The following MAF variants were observed in gnomAD, a reference collection of about 807,000 sequenced individuals.
MAF encodes MAF bZIP transcription factor.
Under a neutral mutation model 22.0 loss-of-function variants are expected in MAF, and 10 were observed. That is an observed-to-expected ratio of 0.45 (90% CI 0.28 to 0.77). The LOEUF is 0.77. Ranked by LOEUF, MAF falls within the 30% of genes least tolerant of loss-of-function variation. The pLI, the probability that MAF is intolerant of heterozygous loss-of-function variation, is 0.12. For missense variants in MAF, 544 were observed against 548.4 expected, an observed-to-expected ratio of 0.99 and a Z score of 0.08; for synonymous variants, 337 against 255.8, an observed-to-expected ratio of 1.32 and a Z score of -3.03.
chr16:79,216,144 A>G, the MAF span, among the ~76,000 whole-genome samples: 1 of 151,472 alleles, frequency 6.6e-6, no homozygotes, highest in African/African-American at 2.4e-5. Context: ...TGTATATGTC[A>G]TGCACATCTG....
the MAF span, among the ~76,000 whole-genome samples, chr16:79,491,801 T>C: frequency 6.6e-6 from 1 of 152,136 alleles, no homozygotes; most frequent in Non-Finnish European, 1.5e-5. Flanking sequence ...GCTAGACAGA[T>C]AGGAAGTAGG....
At chr16:79,499,204 G>A in the MAF span, among the ~76,000 whole-genome samples, 1 of 151,508 alleles carries the variant, frequency 6.6e-6, no homozygotes, top group Non-Finnish European at 1.5e-5. Flanking sequence ...TATATTGCTA[G>A]CACCCTCTTT....
At chr16:79,497,543 A>G in the MAF span, among the ~76,000 whole-genome samples, 6,111 of 152,218 alleles carry the variant, frequency 0.04, 430 homozygotes, top group African/African-American at 0.14. Context: ...CCTTGCCACA[A>G]ACTCTGCCAG....
At chr16:79,484,753 G>A in the MAF span, among the ~76,000 whole-genome samples, 1 of 152,220 alleles carries the variant, frequency 6.6e-6, no homozygotes, top group African/African-American at 2.4e-5. Context: ...TAGAGCCGGT[G>A]GAGCAGCTGG....
At chr16:79,211,789 C>T in the MAF span, 1 of 1,614,076 alleles carries the variant, frequency 6.2e-7, no homozygotes, top group Non-Finnish European at 8.5e-7. Flanking sequence ...GGCAGCCAGT[C>T]CGGCTAAGTG....
the MAF span, among the ~76,000 whole-genome samples, chr16:79,331,266 C>A: frequency 6.6e-6 from 1 of 152,168 alleles, no homozygotes; most frequent in Non-Finnish European, 1.5e-5. Flanking sequence ...GACTGCCACT[C>A]CCATCAGTCA....
At chr16:79,444,147 T>C in the MAF span, among the ~76,000 whole-genome samples, 1 of 151,920 alleles carries the variant, frequency 6.6e-6, no homozygotes. Flanking sequence ...AAAATGAAAA[T>C]ATGTATTATA....
the MAF span, among the ~76,000 whole-genome samples, chr16:79,458,362 C>T: frequency 6.6e-6 from 1 of 152,086 alleles, no homozygotes; most frequent in Non-Finnish European, 1.5e-5. Context: ...CTCTCTATTA[C>T]CAACAGAAGA....
chr16:79,317,820 G>C, the MAF span, among the ~76,000 whole-genome samples: 2 of 152,176 alleles, frequency 1.3e-5, no homozygotes, highest in Non-Finnish European at 2.9e-5. Context: ...CTTTGCATGA[G>C]AGTTCAAAGC....
chr16:79,467,228 G>C, the MAF span, among the ~76,000 whole-genome samples: 1 of 151,926 alleles, frequency 6.6e-6, no homozygotes, highest in African/African-American at 2.4e-5. Flanking sequence ...TTTCATTAGG[G>C]GGTCCTCTCT....
chr16:79,440,343 G>T, the MAF span, among the ~76,000 whole-genome samples: 52 of 152,252 alleles, frequency 3.4e-4, no homozygotes, highest in African/African-American at 1.2e-3. Context: ...TACCAGTGTG[G>T]TGCCTAGCGC....
At chr16:79,288,685 A>G in the MAF span, among the ~76,000 whole-genome samples, 2 of 152,222 alleles carry the variant, frequency 1.3e-5, no homozygotes, top group African/African-American at 2.4e-5. Context: ...TTAGGTAAAC[A>G]TGAGGAAAGG....
At chr16:79,567,191 G>C in the MAF span, among the ~76,000 whole-genome samples, 1 of 152,150 alleles carries the variant, frequency 6.6e-6, no homozygotes, top group Non-Finnish European at 1.5e-5. Flanking sequence ...TGTGGCAGGA[G>C]CTTGTAATCC....
At chr16:79,434,347 G>A in the MAF span, among the ~76,000 whole-genome samples, 2 of 152,206 alleles carry the variant, frequency 1.3e-5, no homozygotes, top group African/African-American at 2.4e-5. Context: ...GGAGAGAGGG[G>A]GAACCTTAAT....
At chr16:79,301,213 C>T in the MAF span, among the ~76,000 whole-genome samples, 918 of 152,210 alleles carry the variant, frequency 6.0e-3, 8 homozygotes, top group African/African-American at 0.021. Context: ...ATGAAGGACA[C>T]CCCACAGTCC....
the MAF span, among the ~76,000 whole-genome samples, chr16:79,429,191 G>A: frequency 6.6e-6 from 1 of 152,250 alleles, no homozygotes; most frequent in African/African-American, 2.4e-5. Flanking sequence ...CAGAATTAAG[G>A]CTTAACTCTG....
At chr16:79,212,697 TGTTTGTTTCA>T in the MAF span, 2 of 144,930 alleles carry the variant, frequency 1.4e-5, no homozygotes, top group African/African-American at 2.6e-5. Context: ...TTTCTTTAAA[TGTTTGTTTCA>T]GTTTGTTTTT....
At chr16:79,385,883 G>C in the MAF span, among the ~76,000 whole-genome samples, 18 of 152,060 alleles carry the variant, frequency 1.2e-4, no homozygotes, top group Admixed American at 4.6e-4. Context: ...CTCCCACCTG[G>C]GCTAAAGAGA....
the MAF span, among the ~76,000 whole-genome samples, chr16:79,443,304 C>G: frequency 2.0e-5 from 3 of 152,042 alleles, no homozygotes; most frequent in Non-Finnish European, 4.4e-5. Context: ...AGTGTCAACC[C>G]CCATGGCACC....
Sources: allele counts gnomAD v4.1 joint callset (sites outside exome capture counted in the v4.1 genomes callset), GRCh38; gene constraint gnomAD v4.1.1; transcripts MANE v1.5; gene names NCBI Gene and HGNC (gene_info 2026-07-23, HGNC 2026-07-21).